Variants in NRG3 observed in about 807,000 individuals in gnomAD.
NRG3 encodes neuregulin 3, also known as pro-neuregulin-3, membrane-bound isoform.
In NRG3, 31 loss-of-function variants were observed where a neutral mutation model predicts 66.9. The observed-to-expected ratio is 0.46, with a 90% CI of 0.35 to 0.63. NRG3 has a LOEUF of 0.63. Among genes scored for constraint, NRG3 ranks in the 20% least tolerant of loss-of-function variants. The pLI is 0.00. For missense variants in NRG3, 910 were observed against 878.9 expected (o/e 1.04, Z -0.45); for synonymous variants, 393 against 359.4 (o/e 1.09, Z -1.06).
chr10:82,601,932 A>G (rs1362365363), intron 2 of NRG3, among the ~76,000 whole-genome samples: 2 of 148,362 alleles, frequency 1.3e-5, no homozygotes, highest in African/African-American at 4.9e-5. Context: ...ATATATATAT[A>G]GTTAACTAGG....
At chr10:82,958,800 T>G in intron 5 of NRG3, 149 bp from the exon 6 acceptor site, 1 of 856,384 alleles carries the variant, frequency 1.2e-6, no homozygotes, top group Non-Finnish European at 1.7e-6. Flanking sequence ...TCTGGTGGGG[T>G]TGGAAATGAG....
intron 2 of NRG3, among the ~76,000 whole-genome samples, chr10:82,479,214 T>C (rs1294202046): frequency 1.3e-5 from 2 of 152,206 alleles, no homozygotes; most frequent in African/African-American, 4.8e-5. Flanking sequence ...TTGAATTAAA[T>C]AATTGATCCT....
At chr10:82,668,925 A>T (rs933213341) in intron 2 of NRG3, among the ~76,000 whole-genome samples, 5 of 152,142 alleles carry the variant, frequency 3.3e-5, no homozygotes, top group Non-Finnish European at 7.3e-5. Context: ...ACAGATCCTG[A>T]AGGGCATGAA....
intron 6 of NRG3, 84 bp downstream of exon 6, chr10:82,959,159 T>C: frequency 7.0e-7 from 1 of 1,427,634 alleles, no homozygotes; most frequent in Non-Finnish European, 9.3e-7. Context: ...GGATCAGACT[T>C]GTAAATATTT....
At chr10:81,936,501 A>G (rs1333905951) in intron 1 of NRG3, among the ~76,000 whole-genome samples, 2 of 151,924 alleles carry the variant, frequency 1.3e-5, no homozygotes, top group African/African-American at 4.9e-5. Flanking sequence ...GAAGCAGGAA[A>G]GGGGTCAGGA....
intron 2 of NRG3, among the ~76,000 whole-genome samples, chr10:82,500,684 A>G (rs1217727769): frequency 6.6e-6 from 1 of 152,178 alleles, no homozygotes; most frequent in East Asian, 1.9e-4. Context: ...AACAGTGACT[A>G]TGCTGCTTTG....
At chr10:81,963,199 T>C (rs1589612848) in intron 1 of NRG3, among the ~76,000 whole-genome samples, 1 of 127,388 alleles carries the variant, frequency 7.9e-6, no homozygotes, top group South Asian at 2.7e-4. Context: ...AGTGGCGGGA[T>C]CTCGGCTCAC....
chr10:82,313,694 C>CA (rs2081151840), intron 1 of NRG3, among the ~76,000 whole-genome samples: 1 of 152,004 alleles, frequency 6.6e-6, no homozygotes, highest in African/African-American at 2.4e-5. Context: ...TTCTGGTTTC[C>CA]AACTATGTCA....
At chr10:82,380,654 A>T (rs565848933) in intron 2 of NRG3, among the ~76,000 whole-genome samples, 1 of 152,300 alleles carries the variant, frequency 6.6e-6, no homozygotes, top group African/African-American at 2.4e-5. Context: ...ACTGAAACAA[A>T]TTATCTTCAT....
intron 5 of NRG3, among the ~76,000 whole-genome samples, chr10:82,952,971 T>A (rs1247194413): frequency 6.6e-6 from 1 of 152,044 alleles, no homozygotes; most frequent in East Asian, 1.9e-4. Context: ...CCATTATTAA[T>A]GCCTTACATT....
At chr10:82,237,477 T>G (rs1348533903) in intron 1 of NRG3, among the ~76,000 whole-genome samples, 1 of 152,230 alleles carries the variant, frequency 6.6e-6, no homozygotes, top group Non-Finnish European at 1.5e-5. Flanking sequence ...TATTTTTGTT[T>G]GACATTCCTA....
At chr10:82,712,204 A>T (rs200981774) in intron 2 of NRG3, among the ~76,000 whole-genome samples, 1 of 151,648 alleles carries the variant, frequency 6.6e-6, no homozygotes, top group Non-Finnish European at 1.5e-5. Context: ...TAGGGATTTT[A>T]TATATTCTAT....
chr10:82,715,701 G>A (rs2056928120), intron 2 of NRG3, among the ~76,000 whole-genome samples: 1 of 152,114 alleles, frequency 6.6e-6, no homozygotes, highest in Admixed American at 6.6e-5. Context: ...TCTTTGCCTT[G>A]AAGTGATACA....
chr10:82,426,737 G>C (rs1259556638), intron 2 of NRG3, among the ~76,000 whole-genome samples: 5 of 151,512 alleles, frequency 3.3e-5, no homozygotes, highest in African/African-American at 9.7e-5. Context: ...GGGCTTAAGT[G>C]ATTCTCCAGC....
rs147616587 is a variant in NRG3 at position 82,461,767 on chromosome 10, C to T, written c.953+102899C>T. On this transcript the variant is annotated intron_variant, in intron 2 of 8. Transcript: ENST00000372141. ...AACTGAATGAGGCATATGGCATAAG[C>T]TTTATAGACTCTGAAGCAGTATTCA... Among the ~76,000 whole-genome samples, 48 of 152,258 alleles carry T rather than the reference C, an allele frequency of 3.2e-4. No individual in the cohort carries two copies. In the East Asian group the frequency reaches 8.5e-3, roughly 27 times the overall value.
chr10:82,396,443 T>C (rs2086716827), intron 2 of NRG3, among the ~76,000 whole-genome samples: 2 of 152,198 alleles, frequency 1.3e-5, no homozygotes, highest in Non-Finnish European at 2.9e-5. Context: ...TGTTCTTTCA[T>C]CTTTATTGAC....
intron 1 of NRG3, among the ~76,000 whole-genome samples, chr10:82,337,501 C>G (rs1589762258): frequency 6.6e-6 from 1 of 152,166 alleles, no homozygotes; most frequent in African/African-American, 2.4e-5. Context: ...TTTCAATTCT[C>G]TTATGTGAGG....
intron 4 of NRG3, among the ~76,000 whole-genome samples, chr10:82,914,856 G>T (rs539076656): frequency 1.1e-4 from 17 of 152,142 alleles, no homozygotes; most frequent in Admixed American, 6.5e-4. Flanking sequence ...CTGTAATTGG[G>T]TATTTCTCAT....
chr10:82,352,197 A>G (rs1225391354), intron 1 of NRG3, among the ~76,000 whole-genome samples: 1 of 152,256 alleles, frequency 6.6e-6, no homozygotes, highest in East Asian at 1.9e-4. Context: ...ACATACATGC[A>G]CAAACACACA....
Sources: gnomAD v4.1 joint callset for allele counts (sites outside exome capture counted in the v4.1 genomes callset) on GRCh38, gnomAD v4.1.1 for gene constraint, MANE v1.5 for transcripts, NCBI Gene and HGNC (gene_info 2026-07-23, HGNC 2026-07-21) for gene names.